Variants in POLK observed in about 807,000 individuals in gnomAD.
The protein encoded by POLK is DNA polymerase kappa, also known as polymerase (DNA directed) kappa.
Under a neutral mutation model 94.0 loss-of-function variants are expected in POLK, and 76 were observed. That is an observed-to-expected ratio of 0.81 (90% CI 0.67 to 0.98). The LOEUF (loss-of-function observed/expected upper bound fraction) is 0.98, where lower values mean the gene tolerates loss of function less well. Ranked by LOEUF, POLK falls within the 50% of genes least tolerant of loss-of-function variation. POLK has a pLI of 0.00. For synonymous variants in POLK, 349 were observed against 325.4 expected, an observed-to-expected ratio of 1.07 and a Z score of -0.78; for missense variants, 954 against 1,010.1, an observed-to-expected ratio of 0.94 and a Z score of 0.75.
chr5:75,512,860 GCTCACGCCTGTAA>G (rs1025822003), intron 1 of POLK: 1 of 152,296 alleles, frequency 6.6e-6, no homozygotes, highest in African/African-American at 2.4e-5. Flanking sequence ...GAGTGTGGTG[GCTCACGCCTGTAA>G]TCCCAGCACT....
intron 9 of POLK, among the ~76,000 whole-genome samples, chr5:75,585,701 G>C (rs1480933498): frequency 1.3e-5 from 2 of 152,112 alleles, no homozygotes; most frequent in Non-Finnish European, 2.9e-5. Context: ...TGGGATAGTA[G>C]GTGAAAAGAA....
At chr5:75,546,502 T>G (rs1214009230) in intron 1 of POLK, among the ~76,000 whole-genome samples, 1 of 152,190 alleles carries the variant, frequency 6.6e-6, no homozygotes, top group Non-Finnish European at 1.5e-5. Flanking sequence ...TAATTTTTAG[T>G]AGCTAAAAAT....
rs190411358 is a variant in POLK, at chr5:75,555,389, T to C, written c.255+2798T>C. On this transcript the variant is annotated intron_variant, in intron 3 of 14. Transcript: ENST00000241436. The stretch of plus-strand genomic sequence containing the variant: ...TTCCCTTTTCCAGAATGTCATATAT[T>C]AGAATCATACAGGATGTAGCCTTTT... Among the ~76,000 whole-genome samples the C allele has an allele frequency of 3.3e-5, 5 of 152,306 alleles. No homozygotes were observed. The East Asian group carries it at 7.7e-4, about 24-fold the overall frequency.
At chr5:75,561,767 C>G (rs1029419759) in intron 3 of POLK, among the ~76,000 whole-genome samples, 3 of 152,094 alleles carry the variant, frequency 2.0e-5, no homozygotes, top group Admixed American at 1.3e-4. Flanking sequence ...ATAGGGAATC[C>G]TTTCCCCATT....
intron 2 of POLK, 89 bp from the exon 3 acceptor site, chr5:75,552,383 T>A (rs1413673570): frequency 8.5e-7 from 1 of 1,181,688 alleles, no homozygotes; most frequent in Non-Finnish European, 1.2e-6. Flanking sequence ...TTCTGTTTCC[T>A]GAGTATGTGC....
At chr5:75,511,372 G>A (rs1767985438), upstream of POLK, 2 of 1,546,192 alleles carry the variant, frequency 1.3e-6, no homozygotes. Context: ...CCGCGCCGCC[G>A]CCGCGCCTGA....
At chr5:75,593,882 G>T in exon 12 of POLK, 1 of 1,555,656 alleles carries the variant, frequency 6.4e-7, no homozygotes, top group Non-Finnish European at 8.9e-7. Flanking sequence ...TTATAGGGTA[G>T]AACTGTTACC....
chr5:75,562,190 G>C (rs868682280), intron 3 of POLK, among the ~76,000 whole-genome samples: 17 of 152,288 alleles, frequency 1.1e-4, no homozygotes, highest in Middle Eastern at 6.8e-3. Context: ...TGCATGAGCA[G>C]TGGTTTGTAG....
chr5:75,540,038 A>G (rs1580966332), intron 1 of POLK, among the ~76,000 whole-genome samples: 2 of 152,210 alleles, frequency 1.3e-5, no homozygotes, highest in Non-Finnish European at 2.9e-5. Context: ...AGTCAGGAGC[A>G]GTGGATCAAG....
chr5:75,579,771 G>T (rs80281024), intron 6 of POLK, among the ~76,000 whole-genome samples: 2,345 of 152,062 alleles, frequency 0.015, 65 homozygotes, highest in African/African-American at 0.053. Context: ...TATTGGCGAG[G>T]CAAGGTGGTT....
rs555120284 is a variant in POLK, at chr5:75,562,539, A to G, written c.256-6801A>G. Among the ~76,000 whole-genome samples the G allele has an allele frequency of 1.3e-3, 202 of 152,324 alleles. 2 individuals carry two copies. The highest frequency in any genetic ancestry group is 4.6e-3 in the African/African-American group (193 of 41,578). On this transcript the variant is annotated intron_variant, in intron 3 of 14. Coordinates refer to ENST00000241436, the Ensembl canonical transcript of POLK. ...CTGATTGCCCTGACCAGAACTTCCA[A>G]TACTATGTTGAATAGGAGTGGTGAG...
intron 4 of POLK, among the ~76,000 whole-genome samples, chr5:75,572,972 A>G (rs1202228083): frequency 6.6e-6 from 1 of 152,218 alleles, no homozygotes. Flanking sequence ...TCAGGGATCT[A>G]GAACTAGAAA....
the POLK span, chr5:75,609,029 A>G: frequency 2.0e-5 from 3 of 152,240 alleles, no homozygotes; most frequent in Admixed American, 6.5e-5. Flanking sequence ...AAGTCCAGCT[A>G]TGGCTAAGTT....
chr5:75,569,367 C>T lies in POLK; in HGVS notation c.283C>T (p.Gln95Ter), dbSNP rs1185185828. The T allele has an allele frequency of 6.2e-7, 1 of 1,611,560 alleles. No individual in the cohort carries two copies. The highest frequency in any genetic ancestry group is 1.7e-5 in the Admixed American group (1 of 59,510). ...TGACAGATTTGCAATGGAATTAGAA[C>T]AAAGCCGAAATTTGAGCAATACCAT... The change falls in exon 4 of 15, where the codon CAA (glutamine) becomes TAA (stop). Residue 95 changes from glutamine (Q) to a stop codon, truncating the protein, a stop_gained. Transcript: ENST00000241436. LOFTEE classifies it high-confidence loss of function.
At chr5:75,552,696 C>G in intron 3 of POLK, 105 bp downstream of exon 3, 1 of 1,132,178 alleles carries the variant, frequency 8.8e-7, no homozygotes, top group Non-Finnish European at 1.3e-6. Context: ...TGTAAATGTT[C>G]ATTATATTGT....
chr5:75,588,650 C>G (rs1772596623), intron 10 of POLK, among the ~76,000 whole-genome samples: 1 of 152,060 alleles, frequency 6.6e-6, no homozygotes, highest in Non-Finnish European at 1.5e-5. Flanking sequence ...CAAAACAAAA[C>G]AAATTTATTC....
chr5:75,605,572 G>A (rs988244189), downstream of POLK, among the ~76,000 whole-genome samples: 4 of 152,070 alleles, frequency 2.6e-5, no homozygotes, highest in Non-Finnish European at 5.9e-5. Flanking sequence ...TGGTTTTTTG[G>A]GTTTTGCTAG....
Position 75,536,009 on chromosome 5 carries a change from G to T in POLK, c.-13-11001G>T, listed in dbSNP as rs1028426983. Among the ~76,000 whole-genome samples, 5 of 152,310 alleles carry T rather than the reference G, an allele frequency of 3.3e-5. No homozygotes were observed. The East Asian group carries it at 5.8e-4, about 18-fold the overall frequency. ...AACTAGTGTGGTCGTTTGGAGGTAA[G>T]AGGACACTCTGGCTTTTTGAGTTGC... On this transcript the variant is annotated intron_variant, in intron 1 of 14. Transcript: ENST00000241436.
At position 75,573,249 on chromosome 5, in the gene POLK, A is replaced by G. The variant is rs1415640828; in HGVS notation, c.409-489A>G. Among the ~76,000 whole-genome samples, 4 of 152,290 alleles carry G rather than the reference A, an allele frequency of 2.6e-5. 1 individual carries two copies. The East Asian group carries it at 7.7e-4, about 29-fold the overall frequency. Reference sequence around the variant, plus strand: ...GAAGCTGGAAACCATCGTTCTCAGCAAACTATTGCAAGGACAAAAAACCAA... The same window carrying G: ...GAAGCTGGAAACCATCGTTCTCAGCGAACTATTGCAAGGACAAAAAACCAA... On this transcript the variant is annotated intron_variant, in intron 4 of 14. Coordinates refer to ENST00000241436, the Ensembl canonical transcript of POLK.
Sources: gnomAD v4.1 joint callset for allele counts (sites outside exome capture counted in the v4.1 genomes callset) on GRCh38, gnomAD v4.1.1 for gene constraint, MANE v1.5 for transcripts, NCBI Gene and HGNC (gene_info 2026-07-23, HGNC 2026-07-21) for gene names.